Variants in ZNF423 observed in about 807,000 individuals in gnomAD.
The protein encoded by ZNF423 is zinc finger protein 423.
In ZNF423, 12 loss-of-function variants were observed where a neutral mutation model predicts 95.8. The observed-to-expected ratio is 0.13, with a 90% CI of 0.08 to 0.20. The LOEUF is 0.20. ZNF423 is among the 10% of genes least tolerant of loss of function. The probability of loss-of-function intolerance (pLI) is 1.00; values close to 1 mark genes in which losing one functional copy is unlikely to be tolerated. For missense variants in ZNF423, 1,316 were observed against 1,737.1 expected, an observed-to-expected ratio of 0.76 and a Z score of 4.31; for synonymous variants, 749 against 711.9, an observed-to-expected ratio of 1.05 and a Z score of -0.83.
rs374849839 is a variant in ZNF423, at chr16:49,616,334, A to G, written c.3601+9836T>C. On this transcript the variant is annotated intron_variant, in intron 5 of 7. Coordinates refer to ENST00000563137, the MANE Select transcript of ZNF423 (RefSeq NM_001379286.1). ...GTCAGCAGATGCTAGGAAGGGTAGC[A>G]GGGAGGGAGGGGAAGTGGGGATGGT... is the stretch of plus-strand genomic sequence containing the variant. Among the ~76,000 whole-genome samples the G allele has an allele frequency of 2.6e-5, 4 of 152,132 alleles. No individual in the cohort carries two copies. The East Asian group carries it at 5.8e-4, about 22-fold the overall frequency.
chr16:49,793,873 C>G (rs766262290), intron 1 of ZNF423, among the ~76,000 whole-genome samples: 2 of 152,192 alleles, frequency 1.3e-5, no homozygotes, highest in Non-Finnish European at 2.9e-5. Flanking sequence ...TAATGAAGCC[C>G]CAGCTCCAGA....
chr16:49,518,458 A>G (rs2151696042), intron 7 of ZNF423: 1 of 432,800 alleles, frequency 2.3e-6, no homozygotes, highest in East Asian at 7.1e-5. Flanking sequence ...AAAATTTTCC[A>G]AATAACTGTG....
At chr16:49,582,267 T>C (rs558142951) in intron 5 of ZNF423, among the ~76,000 whole-genome samples, 2 of 152,222 alleles carry the variant, frequency 1.3e-5, no homozygotes, top group Non-Finnish European at 2.9e-5. Context: ...CCCCCATGGC[T>C]TCCTTCCATA....
chr16:49,625,892 T>C (rs376686169), intron 5 of ZNF423, among the ~76,000 whole-genome samples: 2 of 152,164 alleles, frequency 1.3e-5, no homozygotes, highest in East Asian at 3.8e-4. Context: ...TGCTTGACAA[T>C]TGGAAAGCAC....
intron 5 of ZNF423, among the ~76,000 whole-genome samples, chr16:49,601,640 C>T (rs1254164470): frequency 1.3e-5 from 2 of 152,220 alleles, no homozygotes; most frequent in African/African-American, 4.8e-5. Context: ...AGGCAGCCCT[C>T]TCTGTAAACA....
chr16:49,735,686 G>C (rs914655577), intron 2 of ZNF423, among the ~76,000 whole-genome samples: 1 of 152,180 alleles, frequency 6.6e-6, no homozygotes, highest in Non-Finnish European at 1.5e-5. Context: ...AAGCCCAGCA[G>C]CCATAATATA....
At chr16:49,711,041 G>T (rs1038664959) in intron 3 of ZNF423, among the ~76,000 whole-genome samples, 1 of 152,154 alleles carries the variant, frequency 6.6e-6, no homozygotes, top group Non-Finnish European at 1.5e-5. Context: ...TTGGTACTAG[G>T]GTGACGACTG....
At chr16:49,626,308 A>G in intron 4 of ZNF423, 54 bp from the exon 5 acceptor site, 2 of 1,570,126 alleles carry the variant, frequency 1.3e-6, no homozygotes, top group Admixed American at 3.3e-5. Flanking sequence ...AGGAAAAAGG[A>G]GAAAGCAAAA....
intron 1 of ZNF423, among the ~76,000 whole-genome samples, chr16:49,818,968 C>G (rs2034897683): frequency 6.6e-6 from 1 of 151,142 alleles, no homozygotes; most frequent in African/African-American, 2.4e-5. Context: ...AAAATGGCAG[C>G]TCTGGCCGGG....
intron 5 of ZNF423, among the ~76,000 whole-genome samples, chr16:49,542,818 G>A (rs1002095116): frequency 2.6e-5 from 4 of 152,190 alleles, no homozygotes; most frequent in African/African-American, 9.6e-5. Context: ...CTGGGGGTGG[G>A]GAGGAGCCAG....
intron 5 of ZNF423, among the ~76,000 whole-genome samples, chr16:49,545,078 C>T (rs1969393756): frequency 6.6e-6 from 1 of 152,234 alleles, no homozygotes; most frequent in African/African-American, 2.4e-5. Flanking sequence ...GTGATTGTCC[C>T]ACGTGGCTGA....
chr16:49,840,159 C>G (rs1213316914), intron 1 of ZNF423, among the ~76,000 whole-genome samples: 2 of 152,148 alleles, frequency 1.3e-5, no homozygotes, highest in African/African-American at 4.8e-5. Context: ...TAAGAGGATT[C>G]CATGACAAGT....
At chr16:49,607,631 A>T (rs1971581520) in intron 5 of ZNF423, among the ~76,000 whole-genome samples, 1 of 152,256 alleles carries the variant, frequency 6.6e-6, no homozygotes, top group Non-Finnish European at 1.5e-5. Context: ...AGTAAGGATC[A>T]TTCTGTATCT....
At chr16:49,674,023 A>T (rs1301313425) in intron 3 of ZNF423, among the ~76,000 whole-genome samples, 1 of 152,230 alleles carries the variant, frequency 6.6e-6, no homozygotes, top group African/African-American at 2.4e-5. Context: ...GCCATGGAGC[A>T]GGTAGAGAAA....
At chr16:49,666,915 G>A (rs1198191197) in intron 3 of ZNF423, among the ~76,000 whole-genome samples, 2 of 152,224 alleles carry the variant, frequency 1.3e-5, no homozygotes, top group Non-Finnish European at 2.9e-5. Flanking sequence ...ATGATGCCAG[G>A]GGTAAGCACA....
At chr16:49,692,809 T>C (rs2031835693) in intron 3 of ZNF423, among the ~76,000 whole-genome samples, 1 of 152,248 alleles carries the variant, frequency 6.6e-6, no homozygotes, top group Non-Finnish European at 1.5e-5. Context: ...AAGACAATAT[T>C]GTCTCTAGTG....
chr16:49,854,399 G>C (rs2241216), intron 1 of ZNF423: 246,309 of 985,224 alleles, frequency 0.25, 31,795 homozygotes, highest in East Asian at 0.62. Flanking sequence ...GCCAGATTCA[G>C]TTCCAGCCAT....
intron 1 of ZNF423, among the ~76,000 whole-genome samples, chr16:49,802,524 A>G (rs147124830): frequency 1.3e-5 from 2 of 152,306 alleles, no homozygotes; most frequent in Admixed American, 1.3e-4. Flanking sequence ...CAAACAGGAC[A>G]CTGCTGAGCA....
At chr16:49,508,480 A>C (rs1049645602) in intron 7 of ZNF423, among the ~76,000 whole-genome samples, 2 of 144,126 alleles carry the variant, frequency 1.4e-5, no homozygotes, top group African/African-American at 2.6e-5. Context: ...TGATCACACC[A>C]TTGCACTGCA....
Sources: allele counts gnomAD v4.1 joint callset (sites outside exome capture counted in the v4.1 genomes callset), GRCh38; gene constraint gnomAD v4.1.1; transcripts MANE v1.5; gene names NCBI Gene and HGNC (gene_info 2026-07-23, HGNC 2026-07-21).